The following SART3 variants were observed in gnomAD, a reference collection of about 807,000 sequenced individuals.
SART3 encodes the protein spliceosome associated factor 3, U4/U6 recycling protein, also known as HIV-1 Tat-interacting protein of 110kDa.
SART3 carries 44 observed loss-of-function variants against 122.3 expected under a neutral mutation model. That is an observed-to-expected ratio of 0.36 (90% CI 0.28 to 0.46). The LOEUF is 0.46. Among genes scored for constraint, SART3 ranks in the 20% least tolerant of loss-of-function variants. The pLI is 1.00. For synonymous variants in SART3, 442 were observed against 454.0 expected (o/e 0.97, Z 0.34); for missense variants, 1,101 against 1,229.0 (o/e 0.90, Z 1.56).
At chr12:108,532,639 G>T (rs907019052) in intron 12 of SART3, 80 of 370,632 alleles carry the variant, frequency 2.2e-4, no homozygotes, top group African/African-American at 1.4e-3. Context: ...CATGGCGGGG[G>T]AGTCCAACAG....
chr12:108,549,547 C>A (rs1409742575), intron 1 of SART3, among the ~76,000 whole-genome samples: 1 of 152,156 alleles, frequency 6.6e-6, no homozygotes, highest in Non-Finnish European at 1.5e-5. Context: ...TCTATTTCCT[C>A]ATCTATAAAA....
intron 17 of SART3, chr12:108,524,898 G>A (rs1345218205): frequency 9.1e-6 from 3 of 328,690 alleles, no homozygotes; most frequent in Admixed American, 4.7e-5. Flanking sequence ...GCCTTCACCC[G>A]CTCCCTCATT....
chr12:108,561,118 C>T lies in SART3; in HGVS notation c.37G>A (p.Glu13Lys). 3 of 1,613,652 alleles carry T rather than the reference C, an allele frequency of 1.9e-6. No individual in the cohort carries two copies. Among genetic ancestry groups the T allele is most frequent in the Non-Finnish European group, 2.5e-6 (3 of 1,179,586 alleles). Residue 13 changes from glutamate (E) to lysine (K), a missense_variant, in exon 1 of 19, where the codon GAG becomes AAG. Glu to Lys is a moderately conservative substitution (Grantham distance 56). Around this residue, in one of 2 missense-constraint regions of SART3, gnomAD observed 216 missense variants for 148.9 expected, o/e 1.45. Transcript: ENST00000546815. Reference protein sequence around the residue: ...TAAETSASEPEAESKAGPKAD... With the variant: ...TAAETSASEPKAESKAGPKAD... ...TTGGGCCCAGCCTTGGACTCAGCCT[C>T]GGGTTCTGAAGCCGAGGTTTCGGCC...
chr12:108,556,981 C>T (rs1211602941), intron 1 of SART3, among the ~76,000 whole-genome samples: 2 of 151,862 alleles, frequency 1.3e-5, no homozygotes, highest in Non-Finnish European at 2.9e-5. Flanking sequence ...ATAAAAGTCG[C>T]TAAAGTCAAG....
intron 1 of SART3, among the ~76,000 whole-genome samples, chr12:108,559,539 G>A (rs542284380): frequency 1.3e-5 from 2 of 151,946 alleles, no homozygotes; most frequent in Admixed American, 6.6e-5. Flanking sequence ...AATGGTGCGT[G>A]CCTGGATCCC....
chr12:108,524,859 G>A (rs1872299232), intron 17 of SART3: 1 of 371,040 alleles, frequency 2.7e-6, no homozygotes, highest in Admixed American at 4.2e-5. Context: ...CAGCAGCCCA[G>A]GTGCCCAGGT....
intron 11 of SART3, among the ~76,000 whole-genome samples, chr12:108,535,786 TA>T (rs34651226): frequency 0.034 from 4,821 of 142,954 alleles, 225 homozygotes; most frequent in African/African-American, 0.11. Flanking sequence ...GAGACAATGT[TA>T]AAAAAAAAAA....
At chr12:108,545,024 T>A in intron 4 of SART3, 115 bp downstream of exon 4, 2 of 1,099,126 alleles carry the variant, frequency 1.8e-6, no homozygotes, top group Non-Finnish European at 2.8e-6. Context: ...CAAAGACCAT[T>A]TTGTTAACTA....
At chr12:108,553,395 T>C (rs1160445475) in intron 1 of SART3, among the ~76,000 whole-genome samples, 2 of 152,222 alleles carry the variant, frequency 1.3e-5, no homozygotes, top group Non-Finnish European at 2.9e-5. Flanking sequence ...AAAATCTCTA[T>C]TATTTCTTAC....
chr12:108,531,166 C>CT (rs1208505886), intron 14 of SART3, 38 bp downstream of exon 14: 1 of 1,554,372 alleles, frequency 6.4e-7, no homozygotes, highest in Non-Finnish European at 8.9e-7. Flanking sequence ...GCCAAAATAG[C>CT]TACCAGAGGT....
rs1304854932 is a variant in SART3, at chr12:108,532,505, G to T, written c.1557-171C>A. The T allele has an allele frequency of 6.5e-6, 4 of 614,276 alleles. No individual in the cohort carries two copies. In the East Asian group the frequency reaches 1.2e-4, roughly 18 times the overall value. 38.1% of individuals were successfully genotyped at this position (614,276 alleles called of 1,614,324 possible). A position where few individuals can be genotyped will look rare whatever the true frequency, so the allele number is the denominator to read the frequency against. ...GCTTTCTCCTTCCAGAGTCTCTACA[G>T]TCACCTACGAAGTATTTCCCTGAAG... On this transcript the variant is annotated intron_variant, in intron 12 of 18. Coordinates refer to ENST00000546815, the MANE Select transcript of SART3 (RefSeq NM_014706.4).
intron 3 of SART3, among the ~76,000 whole-genome samples, chr12:108,547,592 C>A (rs1873486318): frequency 6.6e-6 from 1 of 152,012 alleles, no homozygotes; most frequent in East Asian, 1.9e-4. Context: ...CCTCTAAAAA[C>A]CTATTGAATG....
rs1872163881 is a variant in SART3, at chr12:108,522,329, T to TA, written c.*1127dup. Among the ~76,000 whole-genome samples, 1 of 152,222 alleles carries TA rather than the reference T, an allele frequency of 6.6e-6. No individual in the cohort carries two copies. The highest frequency in any genetic ancestry group is 2.4e-5 in the African/African-American group (1 of 41,452). Reference sequence around the variant, plus strand: ...CGACTGATGCACAAAAACTTAAACTTACGCAACAGATAAATGAGGAGTTGA... The same window carrying TA: ...CGACTGATGCACAAAAACTTAAACTTAACGCAACAGATAAATGAGGAGTTGA... On this transcript the variant is annotated 3_prime_UTR_variant, in exon 19 of 19. Transcript: ENST00000546815.
intron 1 of SART3, among the ~76,000 whole-genome samples, chr12:108,557,707 G>T (rs987859647): frequency 1.3e-5 from 2 of 152,196 alleles, no homozygotes; most frequent in African/African-American, 4.8e-5. Context: ...TCAATGGAAG[G>T]CTTGGGTTCA....
intron 4 of SART3, 57 bp from the exon 5 acceptor site, chr12:108,544,535 A>G: frequency 6.2e-7 from 1 of 1,613,490 alleles, no homozygotes; most frequent in South Asian, 1.1e-5. Flanking sequence ...GCTACGGGCT[A>G]AAGAAGCAAA....
chr12:108,525,343 T>C (rs1872321855), intron 17 of SART3, 114 bp downstream of exon 17: 2 of 1,109,894 alleles, frequency 1.8e-6, no homozygotes, highest in Non-Finnish European at 2.7e-6. Flanking sequence ...TAACTTTTGT[T>C]TCTCAGCAGA....
In SART3 at chr12:108,535,411, T is replaced by C; in HGVS notation, c.1504A>G (p.Arg502Gly). The C allele has an allele frequency of 6.2e-7, 1 of 1,614,178 alleles. No individual in the cohort carries two copies. The highest frequency in any genetic ancestry group is 8.5e-7 in the Non-Finnish European group (1 of 1,180,022). Reference sequence around the variant, plus strand: ...ATGTTGGCGTACTTGGCATTTCCTCTGGTCATGATGCTATCCCAGAGTTCC... The same window carrying C: ...ATGTTGGCGTACTTGGCATTTCCTCCGGTCATGATGCTATCCCAGAGTTCC... ...ARELWDSIMT[R>G]GNAKYANMWL... The change falls in exon 12 of 19, where the codon AGA (arginine) becomes GGA (glycine). Residue 502 changes from arginine to glycine, a missense_variant. Transcript: ENST00000546815.
rs113704465 is a variant in SART3 at position 108,530,320 on chromosome 12, T to G, written c.1747-10A>C. On this transcript the variant is annotated splice_polypyrimidine_tract_variant and intron_variant, in intron 14 of 18. Transcript: ENST00000546815. ...CTTCCTTCTCTGCAGCCTAGAAAAG[T>G]GGGAAGATGATGCATCGCTGGATGT... 41 of 1,613,708 alleles carry G rather than the reference T, an allele frequency of 2.5e-5. No homozygotes were observed. Among genetic ancestry groups the G allele is most frequent in the Non-Finnish European group, 3.5e-5 (41 of 1,180,014 alleles).
intron 2 of SART3, 129 bp from the exon 3 acceptor site, chr12:108,548,120 C>A: frequency 5.1e-6 from 4 of 781,664 alleles, no homozygotes; most frequent in Non-Finnish European, 8.7e-6. Flanking sequence ...CAGAAATTCA[C>A]TTCTTAAAAC....
Sources: gnomAD v4.1 joint callset for allele counts (sites outside exome capture counted in the v4.1 genomes callset) on GRCh38, gnomAD v4.1.1 for gene constraint, gnomAD v4.1.1 regional missense constraint, MANE v1.5 for transcripts, NCBI Gene and HGNC (gene_info 2026-07-23, HGNC 2026-07-21) for gene names.